The following COPG2 variants were observed in gnomAD, a reference collection of about 807,000 sequenced individuals.
COPG2 encodes the protein coatomer subunit gamma-2.
In COPG2, 37 loss-of-function variants were observed where a neutral mutation model predicts 46.3. That is an observed-to-expected ratio of 0.80 (90% CI 0.61 to 1.05). The LOEUF (loss-of-function observed/expected upper bound fraction) is 1.05, where lower values mean the gene tolerates loss of function less well. Among genes scored for constraint, COPG2 ranks in the 50% least tolerant of loss-of-function variants. The pLI, the probability that COPG2 is intolerant of heterozygous loss-of-function variation, is 0.00. For missense variants in COPG2, 427 were observed against 387.8 expected (o/e 1.10, Z -0.85); for synonymous variants, 159 against 129.7 (o/e 1.23, Z -1.53).
chr7:130,569,918 T>C (rs1016741528), intron 9 of COPG2, among the ~76,000 whole-genome samples: 2 of 152,186 alleles, frequency 1.3e-5, no homozygotes, highest in Admixed American at 6.5e-5. Context: ...AGTCAATAAA[T>C]GTGATACACC....
intron 5 of COPG2, among the ~76,000 whole-genome samples, chr7:130,630,058 A>G (rs781871629): frequency 6.6e-5 from 10 of 151,720 alleles, no homozygotes; most frequent in Non-Finnish European, 1.2e-4. Context: ...CTGGGATTAC[A>G]GACACGCGCC....
intron 5 of COPG2, among the ~76,000 whole-genome samples, chr7:130,620,259 T>G (rs1388074138): frequency 6.6e-6 from 1 of 152,048 alleles, no homozygotes. Context: ...TCCAGACACT[T>G]AGGATACTTT....
At chr7:130,562,366 A>T (rs999479640) in intron 11 of COPG2, among the ~76,000 whole-genome samples, 13 of 152,308 alleles carry the variant, frequency 8.5e-5, no homozygotes, top group African/African-American at 2.9e-4. Context: ...CTCCAAAAAA[A>T]ATAAATAAAT....
chr7:130,608,454 T>A (rs1794779554), intron 9 of COPG2, among the ~76,000 whole-genome samples: 1 of 152,212 alleles, frequency 6.6e-6, no homozygotes, highest in Non-Finnish European at 1.5e-5. Flanking sequence ...TCTTTTTAGC[T>A]GGAAAAACTC....
chr7:130,540,520 C>T (rs1432956885), intron 20 of COPG2, among the ~76,000 whole-genome samples: 4 of 151,936 alleles, frequency 2.6e-5, no homozygotes, highest in Admixed American at 1.3e-4. Flanking sequence ...CAAGACGTAT[C>T]GGGTGGGGAG....
At chr7:130,641,910 C>T (rs1554457367) in intron 5 of COPG2, among the ~76,000 whole-genome samples, 1 of 152,184 alleles carries the variant, frequency 6.6e-6, no homozygotes, top group Non-Finnish European at 1.5e-5. Context: ...GTTTCTACAA[C>T]CCATTTATTT....
chr7:130,536,652 C>T (rs1173129350), intron 20 of COPG2, among the ~76,000 whole-genome samples: 4 of 152,192 alleles, frequency 2.6e-5, no homozygotes, highest in East Asian at 1.9e-4. Flanking sequence ...GCACGTGCAG[C>T]GGGGCTGATG....
intron 9 of COPG2, among the ~76,000 whole-genome samples, chr7:130,592,764 C>A (rs1342419151): frequency 1.3e-5 from 2 of 152,150 alleles, no homozygotes; most frequent in African/African-American, 4.8e-5. Flanking sequence ...TGGGTCACAG[C>A]CTCTGATTAT....
intron 5 of COPG2, among the ~76,000 whole-genome samples, chr7:130,646,979 ATATG>A (rs1795614977): frequency 7.1e-3 from 5 of 702 alleles, no homozygotes; most frequent in Middle Eastern, 0.25. Context: ...GTGTATATAT[ATATG>A]TATATATATA....
chr7:130,524,625 G>A (rs971330785), intron 20 of COPG2, among the ~76,000 whole-genome samples: 2 of 151,694 alleles, frequency 1.3e-5, no homozygotes, highest in Non-Finnish European at 2.9e-5. Context: ...GGGAGGGAGC[G>A]GATGCAGAGA....
At chr7:130,665,359 T>C (rs1023500107) in intron 3 of COPG2, among the ~76,000 whole-genome samples, 1 of 152,176 alleles carries the variant, frequency 6.6e-6, no homozygotes, top group Admixed American at 6.5e-5. Context: ...CTGAGGTATA[T>C]GGTATATATG....
chr7:130,668,178 G>A (rs1265164716), intron 1 of COPG2, among the ~76,000 whole-genome samples: 1 of 152,142 alleles, frequency 6.6e-6, no homozygotes. Context: ...GGTGACCCCA[G>A]GAAAACGATA....
At chr7:130,613,040 T>C (rs1654979735) in intron 7 of COPG2, among the ~76,000 whole-genome samples, 1 of 152,234 alleles carries the variant, frequency 6.6e-6, no homozygotes, top group South Asian at 2.1e-4. Context: ...ATGTTTTTAA[T>C]TGCTCAATGA....
chr7:130,637,653 T>C (rs1452682475), intron 5 of COPG2, among the ~76,000 whole-genome samples: 2 of 152,180 alleles, frequency 1.3e-5, no homozygotes, highest in East Asian at 1.9e-4. Flanking sequence ...TTAGCTTCCT[T>C]ACATTGGGTT....
intron 20 of COPG2, among the ~76,000 whole-genome samples, chr7:130,540,463 G>A (rs1048440206): frequency 6.6e-6 from 1 of 152,090 alleles, no homozygotes; most frequent in East Asian, 1.9e-4. Flanking sequence ...ACAGGTTGAG[G>A]CCGAAGATAC....
chr7:130,647,647 A>C (rs1161436293), intron 5 of COPG2, among the ~76,000 whole-genome samples: 1 of 151,164 alleles, frequency 6.6e-6, no homozygotes, highest in Admixed American at 6.6e-5. Flanking sequence ...CAAATGTTCG[A>C]TATTGGAATA....
chr7:130,618,758 T>C (rs1554453240), intron 5 of COPG2, among the ~76,000 whole-genome samples: 1 of 152,210 alleles, frequency 6.6e-6, no homozygotes, highest in African/African-American at 2.4e-5. Context: ...ATTTACATTT[T>C]TTGTGATTTT....
At chr7:130,586,471 A>AT (rs1359876495) in intron 9 of COPG2, among the ~76,000 whole-genome samples, 1 of 151,496 alleles carries the variant, frequency 6.6e-6, no homozygotes, top group African/African-American at 2.4e-5. Flanking sequence ...GGAAAAAAAA[A>AT]TTTTTTTTTG....
chr7:130,509,909 CAA>C (rs782403681), intron 20 of COPG2: 1 of 478,306 alleles, frequency 2.1e-6, no homozygotes, highest in Non-Finnish European at 4.2e-6. Context: ...TCAAAAGATG[CAA>C]AAGAGCTTTG....
Sources: gnomAD v4.1 joint callset for allele counts (sites outside exome capture counted in the v4.1 genomes callset) on GRCh38, gnomAD v4.1.1 for gene constraint, MANE v1.5 for transcripts, NCBI Gene and HGNC (gene_info 2026-07-23, HGNC 2026-07-21) for gene names.